The following ANK2 variants were observed in gnomAD, a reference collection of about 807,000 sequenced individuals.
ANK2 encodes ankyrin-2.
In ANK2, 83 loss-of-function variants were observed where a neutral mutation model predicts 360.5. The ratio of observed to expected loss-of-function variants is 0.23; its 90% CI spans 0.19 to 0.28. The LOEUF (loss-of-function observed/expected upper bound fraction) is 0.28. Among genes scored for constraint, ANK2 ranks in the 10% least tolerant of loss-of-function variants. ANK2 has a pLI of 1.00. For synonymous variants in ANK2, 1,740 were observed against 1,759.5 expected (o/e 0.99, Z 0.28); for missense variants, 4,201 against 4,795.7 (o/e 0.88, Z 3.66).
chr4:112,861,455 A>G lies in ANK2; in HGVS notation c.-39-43000A>G, dbSNP rs535788566. ...TCTGATCTACTAGAAGTTTGTCCTAAATATCTTCCTTACTACAGGCGTGCT... is the reference window on the plus strand; with the variant it reads ...TCTGATCTACTAGAAGTTTGTCCTAGATATCTTCCTTACTACAGGCGTGCT... On this transcript the variant is annotated intron_variant, in intron 1 of 30. Coordinates refer to the ANK2 transcript ENST00000503271. 2.0e-5 allele frequency among the ~76,000 whole-genome samples: 3 copies of G among 152,302 alleles called. No homozygotes were observed. In the South Asian group the frequency reaches 6.2e-4, roughly 32 times the overall value.
Position 113,359,131 on chromosome 4 carries a change from G to A in ANK2, c.10513G>A (p.Asp3505Asn), listed in dbSNP as rs775014029. Residue 3505 changes from aspartate (D) to asparagine (N), a missense_variant, in exon 38 of 46, where the codon GAT (aspartate) becomes AAT (asparagine). By Grantham distance (23) the Asp-to-Asn change is conservative (BLOSUM62 1). This residue lies in a region of ANK2 where 2,642 missense variants were observed against 2,714.5 expected (regional missense o/e 0.97). Transcript: ENST00000357077. ...GAGGGAGCAGGAAATAGTTTCAGAC[G>A]ATGAAAGTAGTAGTGCCCTGGAAGT... ...SEREQEIVSD[D>N]ESSSALEVSV... The A allele has an allele frequency of 8.7e-6, 14 of 1,613,862 alleles. No homozygotes were observed. In the South Asian group the frequency reaches 8.8e-5, roughly 10 times the overall value.
rs111714317 is a variant in ANK2 at position 113,147,616 on chromosome 4, A to G, written c.85-26800A>G. 1.9e-3 allele frequency among the ~76,000 whole-genome samples: 296 copies of G among 152,322 alleles called. 2 individuals are homozygous for G. The highest frequency in any genetic ancestry group is 6.9e-3 in the African/African-American group (287 of 41,570). On this transcript the variant is annotated intron_variant, in intron 1 of 45. Coordinates refer to ENST00000357077, the MANE Select transcript of ANK2 (RefSeq NM_001148.6). ...TGCCCAGAATTTTTCCACTTTGGCC[A>G]TGGAGAAAAAGAAAAAGTTAATGTT...
At chr4:113,219,412 A>T (rs1043318577) in intron 4 of ANK2, among the ~76,000 whole-genome samples, 1 of 151,884 alleles carries the variant, frequency 6.6e-6, no homozygotes, top group Non-Finnish European at 1.5e-5. Context: ...TTTATATATT[A>T]TTATAAAATT....
At chr4:113,015,673 A>C (rs1367524680) in intron 2 of ANK2, among the ~76,000 whole-genome samples, 1 of 152,252 alleles carries the variant, frequency 6.6e-6, no homozygotes, top group Non-Finnish European at 1.5e-5. Flanking sequence ...TTATTGTTAC[A>C]TATGGTGCCA....
intron 1 of ANK2, among the ~76,000 whole-genome samples, chr4:113,166,025 G>A (rs1408330579): frequency 1.3e-5 from 2 of 152,082 alleles, no homozygotes; most frequent in Admixed American, 6.5e-5. Context: ...AAATACTGAC[G>A]TGTTCAGTGT....
intron 2 of ANK2, among the ~76,000 whole-genome samples, chr4:112,919,654 A>G (rs984505555): frequency 6.6e-6 from 1 of 152,158 alleles, no homozygotes; most frequent in African/African-American, 2.4e-5. Flanking sequence ...TAACAAGCAG[A>G]AAATTCGTAA....
intron 2 of ANK2, among the ~76,000 whole-genome samples, chr4:112,946,433 C>T (rs78187663): frequency 0.012 from 1,765 of 152,260 alleles, 36 homozygotes; most frequent in African/African-American, 0.038. Flanking sequence ...AAATTGAAGA[C>T]TGTCTATAAT....
intron 13 of ANK2, among the ~76,000 whole-genome samples, chr4:113,262,722 G>A (rs2053642103): frequency 6.7e-6 from 1 of 150,348 alleles, no homozygotes; most frequent in Admixed American, 6.6e-5. Context: ...CATTGTGTTA[G>A]GTATTATAAG....
At chr4:113,213,917 A>G in intron 4 of ANK2, 1 of 594,558 alleles carries the variant, frequency 1.7e-6, no homozygotes, top group South Asian at 2.3e-5. Context: ...AACTATGAAT[A>G]TAAATGGAAA....
chr4:112,791,052 A>G, the ANK2 span, among the ~76,000 whole-genome samples: 3 of 152,364 alleles, frequency 2.0e-5, no homozygotes, highest in South Asian at 2.1e-4. Flanking sequence ...GAAAAATTCT[A>G]TTGACAAGAG....
At chr4:113,000,609 A>G (rs113414230) in intron 2 of ANK2, among the ~76,000 whole-genome samples, 1,901 of 152,328 alleles carry the variant, frequency 0.012, 40 homozygotes, top group African/African-American at 0.042. Flanking sequence ...TTCCAGTGAC[A>G]TAGAATGATA....
chr4:112,800,952 G>A, the ANK2 span, among the ~76,000 whole-genome samples: 1 of 152,146 alleles, frequency 6.6e-6, no homozygotes, highest in Admixed American at 6.5e-5. Context: ...ACTGCACCCG[G>A]CTGGCTTTTC....
chr4:113,022,369 A>G (rs931611709), intron 2 of ANK2, among the ~76,000 whole-genome samples: 17 of 152,146 alleles, frequency 1.1e-4, no homozygotes, highest in African/African-American at 3.6e-4. Context: ...TTGGTACGCA[A>G]TTCCAGGATA....
intron 43 of ANK2, among the ~76,000 whole-genome samples, chr4:113,371,457 A>G (rs1011192485): frequency 2.0e-5 from 3 of 152,206 alleles, no homozygotes; most frequent in Non-Finnish European, 4.4e-5. Context: ...ATTTAACCTA[A>G]GAATCCATAG....
chr4:112,872,340 A>AT (rs112456773), intron 1 of ANK2, among the ~76,000 whole-genome samples: 5,848 of 138,698 alleles, frequency 0.042, 220 homozygotes, highest in African/African-American at 0.1. Context: ...TTGCATCTGT[A>AT]TTTTTTTTTT....
chr4:113,292,378 C>T (rs1367105999), intron 20 of ANK2, 38 bp from the exon 21 acceptor site: 1 of 1,557,114 alleles, frequency 6.4e-7, no homozygotes, highest in Non-Finnish European at 8.8e-7. Flanking sequence ...CTCCCTCTGC[C>T]AATCGGGTGC....
the ANK2 span, among the ~76,000 whole-genome samples, chr4:112,715,188 G>GTGC: frequency 6.6e-6 from 1 of 151,778 alleles, no homozygotes; most frequent in East Asian, 2.0e-4. Flanking sequence ...TGTGGATCTT[G>GTGC]GCTTCCTTGC....
At chr4:112,831,846 C>T (rs532605098) in intron 1 of ANK2, among the ~76,000 whole-genome samples, 5 of 152,222 alleles carry the variant, frequency 3.3e-5, no homozygotes, top group East Asian at 1.9e-4. Flanking sequence ...CAATTCCGGA[C>T]GTGCCACCTT....
At chr4:113,167,480 G>C (rs909948577) in intron 1 of ANK2, among the ~76,000 whole-genome samples, 18 of 151,952 alleles carry the variant, frequency 1.2e-4, no homozygotes, top group African/African-American at 4.3e-4. Flanking sequence ...TGTGTTTTTA[G>C]TAGAAATGGG....
Sources: allele counts gnomAD v4.1 joint callset (sites outside exome capture counted in the v4.1 genomes callset), GRCh38; gene constraint gnomAD v4.1.1; regional missense constraint gnomAD v4.1.1; transcripts MANE v1.5; gene names NCBI Gene and HGNC (gene_info 2026-07-23, HGNC 2026-07-21).